RORA: variants seen among roughly 807,000 people sequenced by gnomAD.
The protein encoded by RORA is nuclear receptor ROR-alpha.
In RORA, 7 loss-of-function variants were observed where a neutral mutation model predicts 69.5. That is an observed-to-expected ratio of 0.10 (90% CI 0.06 to 0.19). RORA has a LOEUF of 0.19. Ranked by LOEUF, RORA falls within the 10% of genes least tolerant of loss-of-function variation. The probability of loss-of-function intolerance (pLI) is 1.00; values close to 1 mark genes in which losing one functional copy is unlikely to be tolerated. For synonymous variants in RORA, 261 were observed against 240.8 expected (o/e 1.08, Z -0.78); for missense variants, 457 against 663.0 (o/e 0.69, Z 3.41).
chr15:60,759,220 G>A (rs1252366157), intron 1 of RORA, among the ~76,000 whole-genome samples: 1 of 152,202 alleles, frequency 6.6e-6, no homozygotes, highest in South Asian at 2.1e-4. Flanking sequence ...TCCCCAAGGA[G>A]AGCCTGAGAG....
At chr15:61,148,609 C>A (rs950416954) in intron 1 of RORA, among the ~76,000 whole-genome samples, 1 of 152,082 alleles carries the variant, frequency 6.6e-6, no homozygotes, top group African/African-American at 2.4e-5. Context: ...AAATAAAGAA[C>A]AACATAAATA....
At chr15:60,530,716 T>G (rs2066501422) in intron 3 of RORA, 1 of 152,224 alleles carries the variant, frequency 6.6e-6, no homozygotes, top group Non-Finnish European at 1.5e-5. Flanking sequence ...GATTTTGTAT[T>G]TTACAACATT....
At chr15:60,830,299 C>T (rs1196347019) in intron 1 of RORA, among the ~76,000 whole-genome samples, 1 of 152,226 alleles carries the variant, frequency 6.6e-6, no homozygotes, top group Non-Finnish European at 1.5e-5. Context: ...CACAATCTCA[C>T]AAACTCTGTT....
intron 2 of RORA, among the ~76,000 whole-genome samples, chr15:60,616,219 A>T (rs2069239141): frequency 6.6e-6 from 1 of 152,108 alleles, no homozygotes; most frequent in Non-Finnish European, 1.5e-5. Flanking sequence ...GGAACATGTG[A>T]ATTGGCAGTG....
intron 1 of RORA, among the ~76,000 whole-genome samples, chr15:61,069,379 T>C (rs543528808): frequency 3.3e-5 from 5 of 152,266 alleles, no homozygotes; most frequent in South Asian, 2.1e-4. Context: ...CAGGGAGCTA[T>C]GCCATCCCAA....
chr15:60,979,284 T>TA (rs1169115969), intron 1 of RORA, among the ~76,000 whole-genome samples: 2 of 140,116 alleles, frequency 1.4e-5, no homozygotes, highest in African/African-American at 2.9e-5. Flanking sequence ...TTTTTTTTTT[T>TA]TTTTTTTCCA....
chr15:61,210,502 C>T (rs989736080), intron 1 of RORA, among the ~76,000 whole-genome samples: 10 of 152,116 alleles, frequency 6.6e-5, no homozygotes, highest in South Asian at 2.1e-4. Flanking sequence ...TAAAATAATT[C>T]GAAACTGCAC....
At position 60,569,579 on chromosome 15, in the gene RORA, T is replaced by A. The variant is rs79174521; in HGVS notation, c.197-37728A>T. ...CCATAAAGGGGCGGAAGGGTGGTGG[T>A]TAAAAGGGGGAAACAGGGCAACAGC... On this transcript the variant is annotated intron_variant, in intron 2 of 10. Coordinates refer to ENST00000335670, the MANE Select transcript of RORA (RefSeq NM_134261.3). Among the ~76,000 whole-genome samples the A allele has an allele frequency of 2.7e-3, 409 of 152,140 alleles. 15 individuals carry two copies. In the East Asian group the frequency reaches 0.071, roughly 26 times the overall value.
chr15:60,984,039 C>T (rs1208661206), intron 1 of RORA, among the ~76,000 whole-genome samples: 1 of 152,076 alleles, frequency 6.6e-6, no homozygotes, highest in Non-Finnish European at 1.5e-5. Flanking sequence ...CTCCTAAATA[C>T]TCCTGGATTG....
chr15:61,156,731 C>T (rs1397049504), intron 1 of RORA, among the ~76,000 whole-genome samples: 5 of 152,196 alleles, frequency 3.3e-5, no homozygotes, highest in Non-Finnish European at 7.3e-5. Flanking sequence ...TCTCCAGACT[C>T]CCCCATGTTA....
rs528370848 is a variant in RORA at position 60,911,069 on chromosome 15, A to ATTTTTT, written c.167-232389_167-232384dup. Among the ~76,000 whole-genome samples the ATTTTTT allele has an allele frequency of 2.0e-4, 18 of 89,680 alleles. 1 individual carries two copies. The highest frequency in any genetic ancestry group is 3.3e-4 in the South Asian group (1 of 2,994). The allele number at this position is 89,680 out of a possible 152,430, so 58.8% of individuals were successfully genotyped here. A position where few individuals can be genotyped will look rare whatever the true frequency, so the allele number is the denominator to read the frequency against. ...AGGCGCCCACCACCATGCCCAGCTAATTTTTTTTTTTTTTTTTTTTTTTTT... is the reference window on the plus strand; with the variant it reads ...AGGCGCCCACCACCATGCCCAGCTAATTTTTTTTTTTTTTTTTTTTTTTTTTTTTTT... On this transcript the variant is annotated intron_variant, in intron 1 of 10. Transcript: ENST00000335670.
intron 2 of RORA, among the ~76,000 whole-genome samples, chr15:60,561,065 T>G (rs565144678): frequency 1.4e-4 from 20 of 138,018 alleles, no homozygotes; most frequent in African/African-American, 4.6e-4. Flanking sequence ...TGTTTTTTTT[T>G]TTTTTGTTTT....
chr15:60,643,003 A>C (rs1044139370), intron 2 of RORA, among the ~76,000 whole-genome samples: 1 of 152,090 alleles, frequency 6.6e-6, no homozygotes, highest in African/African-American at 2.4e-5. Context: ...TTAAAAACGC[A>C]AAAATTAGTT....
chr15:60,821,577 A>G (rs561544985), intron 1 of RORA, among the ~76,000 whole-genome samples: 15 of 152,240 alleles, frequency 9.9e-5, no homozygotes, highest in African/African-American at 3.4e-4. Context: ...ATCATATTCT[A>G]GTGATTTGTA....
intron 2 of RORA, among the ~76,000 whole-genome samples, chr15:60,556,529 G>A (rs1369730247): frequency 6.6e-6 from 1 of 152,170 alleles, no homozygotes. Context: ...TTAGGGAAGT[G>A]TTTTTTCTAT....
rs2065075715 is a variant in RORA, at chr15:60,493,060, G to C, written c.*4395C>G. On this transcript the variant is annotated 3_prime_UTR_variant, in exon 11 of 11. Transcript: ENST00000335670. ...GGCTTCTATCGTTGATACCAAGATGGATTGTCATTCACAGTAAGTCAATTA... is the reference window on the plus strand; with the variant it reads ...GGCTTCTATCGTTGATACCAAGATGCATTGTCATTCACAGTAAGTCAATTA... The C allele has an allele frequency of 6.6e-6, 1 of 152,072 alleles. No individual in the cohort carries two copies. The highest frequency in any genetic ancestry group is 2.4e-5 in the African/African-American group (1 of 41,394). The allele number at this position is 152,072 out of a possible 1,614,324, so 9.4% of individuals were successfully genotyped here. A position where few individuals can be genotyped will look rare whatever the true frequency, so the allele number is the denominator to read the frequency against.
intron 1 of RORA, among the ~76,000 whole-genome samples, chr15:60,797,220 T>C (rs927411026): frequency 6.6e-6 from 1 of 152,042 alleles, no homozygotes; most frequent in Admixed American, 6.5e-5. Context: ...TTTGTGATTG[T>C]CCTAAATGCT....
intron 2 of RORA, among the ~76,000 whole-genome samples, chr15:60,597,548 CA>C (rs1382521466): frequency 0.034 from 1,893 of 55,404 alleles, 100 homozygotes; most frequent in East Asian, 0.04. Context: ...CACACACACA[CA>C]ACATATATAT....
intron 2 of RORA, among the ~76,000 whole-genome samples, chr15:60,675,750 C>T (rs1265979088): frequency 6.6e-6 from 1 of 152,162 alleles, no homozygotes; most frequent in Non-Finnish European, 1.5e-5. Context: ...ACAAGGTGGA[C>T]TAAAATACTA....
Sources: gnomAD v4.1 joint callset for allele counts (sites outside exome capture counted in the v4.1 genomes callset) on GRCh38, gnomAD v4.1.1 for gene constraint, MANE v1.5 for transcripts, NCBI Gene and HGNC (gene_info 2026-07-23, HGNC 2026-07-21) for gene names.